Variants in TMBIM4 observed in about 807,000 individuals in gnomAD.
The protein encoded by TMBIM4 is transmembrane BAX inhibitor motif containing 4.
A neutral mutation model predicts 27.7 loss-of-function variants in TMBIM4; 28 were observed. That is an observed-to-expected ratio of 1.01 (90% CI 0.75 to 1.38). The LOEUF (loss-of-function observed/expected upper bound fraction) is 1.38, where lower values mean the gene tolerates loss of function less well. TMBIM4 is among the 40% of genes most tolerant of loss of function. TMBIM4 has a pLI of 0.00. For missense variants in TMBIM4, 265 were observed against 277.5 expected (o/e 0.95, Z 0.32); for synonymous variants, 115 against 113.1 (o/e 1.02, Z -0.11).
At chr12:66,156,304 C>G (rs902671520) in intron 1 of TMBIM4, among the ~76,000 whole-genome samples, 1 of 152,182 alleles carries the variant, frequency 6.6e-6, no homozygotes, top group Non-Finnish European at 1.5e-5. Flanking sequence ...TTGCTGTTCT[C>G]CCAGTGTTCT....
Position 66,169,985 on chromosome 12 carries a change from C to T in TMBIM4, c.-34G>A, listed in dbSNP as rs1228507593. 4 of 1,422,280 alleles carry T rather than the reference C, an allele frequency of 2.8e-6. No homozygotes were observed. Among genetic ancestry groups the T allele is most frequent in the East Asian group, 3.0e-5 (1 of 33,080 alleles). 88.1% of individuals were successfully genotyped at this position (1,422,280 alleles called of 1,614,324 possible). On this transcript the variant is annotated 5_prime_UTR_variant, in exon 1 of 7. The change creates a new upstream start codon in the 5' untranslated region. Coordinates refer to ENST00000358230, the MANE Select transcript of TMBIM4 (RefSeq NM_016056.4). ...CAGCACCCCTACCGGTCCCGGTCCA[C>T]TAACCGCAACCGCCTCCTCCCCACT...
chr12:66,140,634 G>A (rs575559232), intron 5 of TMBIM4, among the ~76,000 whole-genome samples: 1 of 152,262 alleles, frequency 6.6e-6, no homozygotes, highest in East Asian at 1.9e-4. Context: ...GTGCACAGTG[G>A]TGTGTGCCTG....
intron 3 of TMBIM4, among the ~76,000 whole-genome samples, chr12:66,150,506 C>T (rs1250692876): frequency 6.6e-6 from 1 of 151,562 alleles, no homozygotes; most frequent in Admixed American, 6.6e-5. Context: ...CCTCCACCTC[C>T]CGGTTTAAGT....
At chr12:66,168,942 TA>T (rs929409161) in intron 1 of TMBIM4, 8 of 202,608 alleles carry the variant, frequency 3.9e-5, no homozygotes, top group South Asian at 7.6e-5. Flanking sequence ...TAATTTTTTT[TA>T]AAAAAAAGCT....
chr12:66,158,448 G>C (rs1212026976), intron 1 of TMBIM4, among the ~76,000 whole-genome samples: 4 of 151,738 alleles, frequency 2.6e-5, no homozygotes, highest in Non-Finnish European at 5.9e-5. Context: ...AGACCATCCT[G>C]GCCAACATGG....
At chr12:66,168,010 A>G (rs762715229) in intron 1 of TMBIM4, among the ~76,000 whole-genome samples, 8 of 152,154 alleles carry the variant, frequency 5.3e-5, no homozygotes, top group African/African-American at 1.9e-4. Context: ...GCTTGAGTCC[A>G]GGAGTTCAAG....
intron 1 of TMBIM4, chr12:66,160,431 C>A: frequency 1.8e-6 from 1 of 546,176 alleles, no homozygotes. Flanking sequence ...CCCTGAGGCA[C>A]TATTTGAAGG....
rs145637499 is a variant in TMBIM4 at position 66,163,416 on chromosome 12, T to C, written c.97+6439A>G. Among the ~76,000 whole-genome samples the C allele has an allele frequency of 1.5e-3, 222 of 152,216 alleles. 2 individuals carry two copies. The highest frequency in any genetic ancestry group is 4.9e-3 in the African/African-American group (202 of 41,520). On this transcript the variant is annotated intron_variant, in intron 1 of 6. Transcript: ENST00000358230. Reference sequence around the variant, plus strand: ...GTAATTTATAAAGGAAGAGGTTTAATTGACTCACATTTCTACAGCGGGGGA... The same window carrying C: ...GTAATTTATAAAGGAAGAGGTTTAACTGACTCACATTTCTACAGCGGGGGA...
chr12:66,156,587 A>G (rs1203600739), intron 1 of TMBIM4, among the ~76,000 whole-genome samples: 1 of 152,210 alleles, frequency 6.6e-6, no homozygotes, highest in Non-Finnish European at 1.5e-5. Flanking sequence ...TTTTTATGTA[A>G]AGTAAACCAT....
In TMBIM4 at chr12:66,167,014, A is replaced by G. The variant is rs1254488186; in HGVS notation, c.97+2841T>C. 3.3e-5 allele frequency among the ~76,000 whole-genome samples: 5 copies of G among 152,348 alleles called. No homozygotes were observed. In the South Asian group the frequency reaches 6.2e-4, roughly 19 times the overall value. ...ATGTAGAAAACCTTAAACGCATATT[A>G]TAAGTGAAAAAGGCCAATTTGAAAG... On this transcript the variant is annotated intron_variant, in intron 1 of 6. Coordinates refer to ENST00000358230, the MANE Select transcript of TMBIM4 (RefSeq NM_016056.4).
At chr12:66,152,526 T>C in intron 2 of TMBIM4, 150 bp from the exon 3 acceptor site, 1 of 473,054 alleles carries the variant, frequency 2.1e-6, no homozygotes, top group Non-Finnish European at 3.6e-6. Flanking sequence ...CAAATTATTT[T>C]ATATCTGGAA....
At position 66,169,892 on chromosome 12, in the gene TMBIM4, G is replaced by T; in HGVS notation, c.60C>A (p.Gly20=). 6.7e-7 allele frequency: 1 copy of T among 1,502,948 alleles called. No individual in the cohort carries two copies. The highest frequency in any genetic ancestry group is 1.3e-5 in the South Asian group (1 of 79,490). The allele number at this position is 1,502,948 out of a possible 1,614,324, so 93.1% of individuals were successfully genotyped here. Residue 20 remains glycine (G), a synonymous_variant, in exon 1 of 7, where the codon GGC becomes GGA. Coordinates refer to ENST00000358230, the MANE Select transcript of TMBIM4 (RefSeq NM_016056.4). ...RSSIEDDFNY[G]SSVASATVHI... is the part of the protein sequence containing the mutation. ...GCACGGTGGCGGAGGCCACGCTGCTGCCATAGTTGAAGTCGTCCTCGATCG... is the reference window on the plus strand; with the variant it reads ...GCACGGTGGCGGAGGCCACGCTGCTTCCATAGTTGAAGTCGTCCTCGATCG...
At chr12:66,162,615 T>G (rs1218152977) in intron 1 of TMBIM4, among the ~76,000 whole-genome samples, 1 of 152,214 alleles carries the variant, frequency 6.6e-6, no homozygotes, top group African/African-American at 2.4e-5. Flanking sequence ...AAATAGTTGT[T>G]TGCCAGTTCC....
intron 1 of TMBIM4, among the ~76,000 whole-genome samples, chr12:66,163,990 A>G (rs936742084): frequency 2.0e-5 from 3 of 152,236 alleles, no homozygotes; most frequent in Admixed American, 6.5e-5. Context: ...ACCACCAACC[A>G]GTATTCCTGG....
In TMBIM4 at chr12:66,138,713, A is replaced by G. The variant is rs12230800; in HGVS notation, c.510+11T>C. 0.076 allele frequency: 118,035 copies of G among 1,543,010 alleles called. 9,535 individuals carry two copies. Among genetic ancestry groups the G allele is most frequent in the East Asian group, 0.53 (21,618 of 41,084 alleles). ...ATTATATTTCAAATTAACCATTATA[A>G]CATAACTTACCTTCAAGAATCCTGA... On this transcript the variant is annotated intron_variant, in intron 6 of 6. Transcript: ENST00000358230.
rs938447728 is a variant in TMBIM4 at position 66,169,964 on chromosome 12, A to G, written c.-13T>C. 5.4e-6 allele frequency: 8 copies of G among 1,476,982 alleles called. No homozygotes were observed. The highest frequency in any genetic ancestry group is 1.7e-4 in the Middle Eastern group (1 of 5,762). 91.5% of individuals were successfully genotyped at this position (1,476,982 alleles called of 1,614,324 possible). ...CGGGGTCAGCCATGATGGCAACAGC[A>G]CCCCTACCGGTCCCGGTCCACTAAC... On this transcript the variant is annotated 5_prime_UTR_variant, in exon 1 of 7. Transcript: ENST00000358230.
intron 1 of TMBIM4, among the ~76,000 whole-genome samples, chr12:66,161,632 T>G (rs2052042732): frequency 6.6e-6 from 1 of 152,200 alleles, no homozygotes; most frequent in African/African-American, 2.4e-5. Flanking sequence ...TGTAGTCAGC[T>G]TAAGTTACCA....
chr12:66,167,452 T>C (rs536898385), intron 1 of TMBIM4, among the ~76,000 whole-genome samples: 1 of 152,358 alleles, frequency 6.6e-6, no homozygotes. Context: ...TTGAATAACA[T>C]TTCTCCAAGG....
intron 3 of TMBIM4, among the ~76,000 whole-genome samples, chr12:66,150,813 A>C (rs1381661307): frequency 6.6e-6 from 1 of 152,224 alleles, no homozygotes; most frequent in Non-Finnish European, 1.5e-5. Context: ...GGGTCATATA[A>C]AAATTAAAGA....
Sources: allele counts gnomAD v4.1 joint callset (sites outside exome capture counted in the v4.1 genomes callset), GRCh38; gene constraint gnomAD v4.1.1; transcripts MANE v1.5; gene names NCBI Gene and HGNC (gene_info 2026-07-23, HGNC 2026-07-21).